CA6: variants seen among roughly 807,000 people sequenced by gnomAD.
CA6 encodes carbonate dehydratase VI.
A neutral mutation model predicts 35.9 loss-of-function variants in CA6; 28 were observed. That is an observed-to-expected ratio of 0.78 (90% CI 0.58 to 1.07). The LOEUF (loss-of-function observed/expected upper bound fraction) is 1.07, where lower values mean the gene tolerates loss of function less well. CA6 is among the 50% of genes least tolerant of loss of function. The pLI, the probability that CA6 is intolerant of heterozygous loss-of-function variation, is 0.00. For missense variants in CA6, 377 were observed against 382.0 expected (o/e 0.99, Z 0.11); for synonymous variants, 148 against 152.6 (o/e 0.97, Z 0.22).
At chr1:8,959,904 C>T (rs1384015466) in intron 4 of CA6, among the ~76,000 whole-genome samples, 23 of 119,318 alleles carry the variant, frequency 1.9e-4, no homozygotes, top group Admixed American at 1.5e-3. Flanking sequence ...TGCACTCCAG[C>T]GTGGGCAATA....
intron 7 of CA6, among the ~76,000 whole-genome samples, chr1:8,973,746 T>TTC (rs1406661782): frequency 4.8e-5 from 1 of 20,624 alleles, no homozygotes; most frequent in African/African-American, 3.5e-4. Context: ...CTTTCTTTCT[T>TTC]TCTTTCTTTC....
intron 7 of CA6, 128 bp from the exon 8 acceptor site, chr1:8,974,494 A>G (rs79381171): frequency 3.8e-5 from 55 of 1,465,436 alleles, no homozygotes; most frequent in Non-Finnish European, 4.7e-5. Flanking sequence ...GCACGTGGAG[A>G]GCATTCTAAG....
At chr1:8,962,563 T>C (rs1639867188) in intron 4 of CA6, 24 bp from the exon 5 acceptor site, 1 of 1,598,322 alleles carries the variant, frequency 6.3e-7, no homozygotes, top group Non-Finnish European at 8.6e-7. Context: ...TCACTTACGC[T>C]CAGTGCTCTG....
At chr1:8,951,343 TAC>T (rs1235283323) in intron 2 of CA6, 7 of 656,280 alleles carry the variant, frequency 1.1e-5, no homozygotes, top group Non-Finnish European at 1.9e-5. Flanking sequence ...AGCCCTGAAA[TAC>T]ACAAAGAATG....
rs74381503 is a variant in CA6 at position 8,965,442 on chromosome 1, T to C, written c.572-2217T>C. Among the ~76,000 whole-genome samples the C allele has an allele frequency of 3.5e-3, 528 of 152,312 alleles. 14 individuals are homozygous for C. In the East Asian group the frequency reaches 0.08, roughly 23 times the overall value. ...CCTTCCAGCTTCTGGTAACCACAGT[T>C]TCTGTCTCTAAGAATTTGACTATTC... On this transcript the variant is annotated intron_variant, in intron 5 of 7. Coordinates refer to ENST00000377443, the MANE Select transcript of CA6 (RefSeq NM_001215.4).
rs184066727 is a variant in CA6, at chr1:8,959,336, C to T, written c.501+334C>T. ...TTTCCTTTTTTTTTTTTTTTTGAGA[C>T]GAAGTTTCACTCTTGTCACCCAGGT... On this transcript the variant is annotated intron_variant, in intron 4 of 7. Transcript: ENST00000377443. 5.5e-3 allele frequency among the ~76,000 whole-genome samples: 789 copies of T among 144,524 alleles called. 12 individuals are homozygous for T. The highest frequency in any genetic ancestry group is 0.019 in the African/African-American group (737 of 38,742). The allele number at this position is 144,524 out of a possible 152,430, so 94.8% of individuals were successfully genotyped here.
At position 8,957,305 on chromosome 1, in the gene CA6, G is replaced by GTGTC. The variant is rs1639714742; in HGVS notation, c.408+21_408+24dup. 5.6e-6 allele frequency: 9 copies of GTGTC among 1,596,904 alleles called. No individual in the cohort carries two copies. Among genetic ancestry groups the GTGTC allele is most frequent in the South Asian group, 3.3e-5 (3 of 89,698 alleles). ...ATCGAGGTACCTGAGGACCCCCACT[G>GTGTC]TGTCCTCTTTCCTTTGAACCCCATA... On this transcript the variant is annotated intron_variant, in intron 3 of 7. Transcript: ENST00000377443.
chr1:8,947,018 G>A (rs1481651331), intron 1 of CA6, among the ~76,000 whole-genome samples: 1 of 151,924 alleles, frequency 6.6e-6, no homozygotes, highest in Non-Finnish European at 1.5e-5. Flanking sequence ...TGGCCAGGCT[G>A]TTCTCAAACT....
intron 2 of CA6, among the ~76,000 whole-genome samples, chr1:8,950,132 A>C (rs1639487695): frequency 6.7e-6 from 1 of 150,250 alleles, no homozygotes; most frequent in African/African-American, 2.5e-5. Context: ...GGCATGCACC[A>C]CCATGCCCAG....
chr1:8,952,564 T>C (rs1639568219), intron 2 of CA6: 1 of 152,198 alleles, frequency 6.6e-6, no homozygotes, highest in African/African-American at 2.4e-5. Flanking sequence ...AAAAAGCTAA[T>C]CTACAAACTT....
rs1378181975 is a variant in CA6, at chr1:8,963,002, C to G, written c.571+346C>G. On this transcript the variant is annotated intron_variant, in intron 5 of 7. Transcript: ENST00000377443. This position sits in a 1 kb window ranked among gnomAD's most constrained non-coding sequence, Gnocchi z 4.1. ...AGCTAGAGAGATGTCCACCTGGCTC[C>G]AAGCTGAGATGAATGTCAAGAGGGA... Among the ~76,000 whole-genome samples the G allele has an allele frequency of 6.6e-6, 1 of 152,150 alleles. No homozygotes were observed. The highest frequency in any genetic ancestry group is 2.4e-5 in the African/African-American group (1 of 41,436).
chr1:8,965,405 C>T (rs1260050958), intron 5 of CA6, among the ~76,000 whole-genome samples: 1 of 152,192 alleles, frequency 6.6e-6, no homozygotes, highest in African/African-American at 2.4e-5. Context: ...TCAACAGTTA[C>T]TCCCCATCTC....
At chr1:8,960,811 G>A in intron 4 of CA6, among the ~76,000 whole-genome samples, 2 of 127,422 alleles carry the variant, frequency 1.6e-5, no homozygotes, top group African/African-American at 3.0e-5. Flanking sequence ...GGGAGTCCCA[G>A]AAGGAAAGGA....
At chr1:8,970,798 G>T in intron 6 of CA6, 69 bp from the exon 7 acceptor site, 1 of 1,017,824 alleles carries the variant, frequency 9.8e-7, no homozygotes, top group Non-Finnish European at 1.6e-6. Flanking sequence ...ACTGCGCCGG[G>T]CCAACTGTTA....
At chr1:8,946,800 T>G (rs1427707418) in intron 1 of CA6, among the ~76,000 whole-genome samples, 2 of 123,404 alleles carry the variant, frequency 1.6e-5, no homozygotes, top group African/African-American at 6.6e-5. Flanking sequence ...GGTGTTTTTT[T>G]TTTTGTTTTT....
At chr1:8,961,429 T>C (rs140887882) in intron 4 of CA6, among the ~76,000 whole-genome samples, 8 of 152,328 alleles carry the variant, frequency 5.3e-5, no homozygotes, top group Non-Finnish European at 8.8e-5. Context: ...AGGATGAGGA[T>C]GAAATAGAGC....
Position 8,957,181 on chromosome 1 carries a change from G to T in CA6, c.304G>T (p.Gly102Cys), listed in dbSNP as rs552121699. 5 of 1,613,730 alleles carry T rather than the reference G, an allele frequency of 3.1e-6. No individual in the cohort carries two copies. In the Admixed American group the frequency reaches 8.3e-5, roughly 27 times the overall value. Residue 102 changes from glycine (G) to cysteine (C), a missense_variant, in exon 3 of 8, where the codon GGC (glycine) becomes TGC (cysteine). Transcript: ENST00000377443. ...CACCATGCGCATGACAGTGGCTGACGGCACTGTATACATAGCCCAGCAGAT... is the reference window on the plus strand; with the variant it reads ...CACCATGCGCATGACAGTGGCTGACTGCACTGTATACATAGCCCAGCAGAT... Reference protein sequence around the residue: ...PSTMRMTVADGTVYIAQQMHF... With the variant: ...PSTMRMTVADCTVYIAQQMHF...
intron 1 of CA6, among the ~76,000 whole-genome samples, chr1:8,946,504 A>G (rs2124214865): frequency 6.6e-6 from 1 of 152,280 alleles, no homozygotes; most frequent in East Asian, 1.9e-4. Context: ...TTTCCCCTTC[A>G]CAAACTCCTG....
At position 8,949,245 on chromosome 1, in the gene CA6, G is replaced by C; in HGVS notation, c.80-18G>C. The C allele has an allele frequency of 6.3e-7, 1 of 1,576,218 alleles. No homozygotes were observed. Among genetic ancestry groups the C allele is most frequent in the Non-Finnish European group, 8.6e-7 (1 of 1,161,032 alleles). On this transcript the variant is annotated intron_variant, in intron 1 of 7. Transcript: ENST00000377443. ...GCGCAGCCAGGCAGCCCCTTGAACT[G>C]TGTCTTTCCTGTCTTAGAAGGGGCA... is the stretch of plus-strand genomic sequence containing the variant.
Sources: allele counts gnomAD v4.1 joint callset (sites outside exome capture counted in the v4.1 genomes callset), GRCh38; gene constraint gnomAD v4.1.1; non-coding constraint Gnocchi (gnomAD v3.1); transcripts MANE v1.5; gene names NCBI Gene and HGNC (gene_info 2026-07-23, HGNC 2026-07-21).